The following ST3GAL4 variants were observed in gnomAD, a reference collection of about 807,000 sequenced individuals.
The protein encoded by ST3GAL4 is CMP-N-acetylneuraminate-beta-galactosamide-alpha-2,3-sialyltransferase 4.
ST3GAL4 carries 24 observed loss-of-function variants against 42.6 expected under a neutral mutation model. That is an observed-to-expected ratio of 0.56 (90% CI 0.41 to 0.79). The LOEUF is 0.79. Ranked by LOEUF, ST3GAL4 falls within the 30% of genes least tolerant of loss-of-function variation. The pLI is 0.00. For missense variants in ST3GAL4, 311 were observed against 430.8 expected, an observed-to-expected ratio of 0.72 and a Z score of 2.46; for synonymous variants, 135 against 163.2, an observed-to-expected ratio of 0.83 and a Z score of 1.32.
At chr11:126,407,716 C>A (rs553969766) in intron 6 of ST3GAL4, 82 bp downstream of exon 6, 4 of 1,378,328 alleles carry the variant, frequency 2.9e-6, no homozygotes, top group Admixed American at 1.9e-5. Context: ...CCCACCCCCC[C>A]GCTCTGTGAA....
intron 1 of ST3GAL4, among the ~76,000 whole-genome samples, chr11:126,387,673 C>CAAA (rs1015589992): frequency 8.6e-5 from 10 of 116,116 alleles, no homozygotes; most frequent in African/African-American, 2.7e-4. Context: ...GACTCTGTCT[C>CAAA]AAAAAAAAAA....
intron 1 of ST3GAL4, among the ~76,000 whole-genome samples, chr11:126,382,621 A>G (rs1953051459): frequency 6.6e-6 from 1 of 152,148 alleles, no homozygotes; most frequent in South Asian, 2.1e-4. Context: ...TGGAGAAGCC[A>G]GAGTTCAGGC....
At position 126,355,774 on chromosome 11, in the gene ST3GAL4, G is replaced by C. The variant is rs1303985157; in HGVS notation, c.-129G>C. 6.6e-6 allele frequency: 1 copy of C among 151,522 alleles called. No homozygotes were observed. The allele number at this position is 151,522 out of a possible 1,614,324, so 9.4% of individuals were successfully genotyped here. On this transcript the variant is annotated 5_prime_UTR_variant, in exon 1 of 11. Transcript: ENST00000444328. This position sits in a 1 kb window ranked among gnomAD's most constrained non-coding sequence, Gnocchi z 7.1. ...GCCGTCGCGCCAGCGCTGCGCCGCC[G>C]GTCGGTGCGCCTAGCGGATCGGAGC...
rs1023224808 is a variant in ST3GAL4 at position 126,379,528 on chromosome 11, A to C, written c.-61+23686A>C. ...GTTTCTCTCTTGTTGCCCAGGCTGC[A>C]GTGCAGTGGCACGATCTTGGCTCAC... is the stretch of plus-strand genomic sequence containing the variant. On this transcript the variant is annotated intron_variant, in intron 1 of 10. Coordinates refer to ENST00000444328, the MANE Select transcript of ST3GAL4 (RefSeq NM_001254757.2). This position sits in a 1 kb window ranked among gnomAD's most constrained non-coding sequence, Gnocchi z 4.2. 6.6e-6 allele frequency among the ~76,000 whole-genome samples: 1 copy of C among 152,134 alleles called. No homozygotes were observed.
At chr11:126,367,832 T>C (rs954115516) in intron 1 of ST3GAL4, among the ~76,000 whole-genome samples, 15 of 152,166 alleles carry the variant, frequency 9.9e-5, no homozygotes, top group African/African-American at 3.4e-4. Flanking sequence ...CCCACATCCA[T>C]TGGTTGAAAA....
Position 126,398,020 on chromosome 11 carries a change from G to A in ST3GAL4, c.-60-8076G>A, listed in dbSNP as rs1166923410. On this transcript the variant is annotated intron_variant, in intron 1 of 10. Transcript: ENST00000444328. The surrounding 1 kb of genome is among the most constrained non-coding windows in gnomAD (Gnocchi z 4.7). ...GCATTCTGCCCCAGTCCCCAAAATG[G>A]ATGTCCTTGTCACATGTAGAATACA... Among the ~76,000 whole-genome samples the A allele has an allele frequency of 6.6e-6, 1 of 152,168 alleles. No homozygotes were observed. Among genetic ancestry groups the A allele is most frequent in the Non-Finnish European group, 1.5e-5 (1 of 68,044 alleles).
At chr11:126,370,721 G>A (rs1251400168) in intron 1 of ST3GAL4, among the ~76,000 whole-genome samples, 1 of 151,194 alleles carries the variant, frequency 6.6e-6, no homozygotes, top group Non-Finnish European at 1.5e-5. Context: ...CTGTCACCCA[G>A]GCTGGAGTGC....
In ST3GAL4 at chr11:126,407,220, C is replaced by T. The variant is rs371341382; in HGVS notation, c.183-32C>T. On this transcript the variant is annotated intron_variant, in intron 4 of 10. Transcript: ENST00000444328. ...TTCTGGCATCAAGATTAATTCTGTT[C>T]TCATCCCCACCCGGCTTTCACCTCT... 3.7e-6 allele frequency: 6 copies of T among 1,608,654 alleles called. No individual in the cohort carries two copies. The African/African-American group carries it at 4.0e-5, about 11-fold the overall frequency.
chr11:126,414,567 C>T lies in ST3GAL4; in HGVS notation c.*520C>T, dbSNP rs1355205448. The T allele has an allele frequency of 1.3e-5, 2 of 155,892 alleles. No individual in the cohort carries two copies. Among genetic ancestry groups the T allele is most frequent in the Non-Finnish European group, 2.8e-5 (2 of 70,226 alleles). 9.7% of individuals were successfully genotyped at this position (155,892 alleles called of 1,614,324 possible). A position where few individuals can be genotyped will look rare whatever the true frequency, so the allele number is the denominator to read the frequency against. On this transcript the variant is annotated 3_prime_UTR_variant, in exon 11 of 11. Transcript: ENST00000444328. ...TGGGAAGAGCACTGGTGTGGGGGTT[C>T]CACCGAGAAGGGGACCTCATCTAGA...
chr11:126,365,925 C>T (rs925726852), intron 1 of ST3GAL4, among the ~76,000 whole-genome samples: 3 of 152,320 alleles, frequency 2.0e-5, no homozygotes, highest in African/African-American at 7.2e-5. Context: ...TGGCCACAGG[C>T]TGCCCTGGGA....
At chr11:126,394,369 A>T (rs1953645788) in intron 1 of ST3GAL4, among the ~76,000 whole-genome samples, 1 of 152,006 alleles carries the variant, frequency 6.6e-6, no homozygotes, top group Non-Finnish European at 1.5e-5. Flanking sequence ...CAGCTTTTTC[A>T]CCCTGAGAAG....
chr11:126,361,684 A>G (rs1233336684), intron 1 of ST3GAL4, among the ~76,000 whole-genome samples: 2 of 152,044 alleles, frequency 1.3e-5, no homozygotes, highest in Non-Finnish European at 2.9e-5. Flanking sequence ...TGACCCCAGC[A>G]TGGACCTCAG....
At chr11:126,371,563 AGTTAAT>A (rs1466799761) in intron 1 of ST3GAL4, among the ~76,000 whole-genome samples, 3 of 152,234 alleles carry the variant, frequency 2.0e-5, no homozygotes, top group African/African-American at 7.2e-5. Context: ...CACTTTAAAA[AGTTAAT>A]GTTATGTTTT....
At chr11:126,404,499 A>G (rs1244565698) in intron 1 of ST3GAL4, among the ~76,000 whole-genome samples, 1 of 152,232 alleles carries the variant, frequency 6.6e-6, no homozygotes, top group East Asian at 1.9e-4. Flanking sequence ...AAAGAAAACA[A>G]GTAACTAAGC....
At chr11:126,381,214 C>T (rs762445107) in intron 1 of ST3GAL4, among the ~76,000 whole-genome samples, 26 of 152,178 alleles carry the variant, frequency 1.7e-4, no homozygotes, top group Non-Finnish European at 3.7e-4. Context: ...GGAGACTGAT[C>T]CCTGGCCACC....
Position 126,402,619 on chromosome 11 carries a change from C to T in ST3GAL4, c.-60-3477C>T, listed in dbSNP as rs79120772. 4.6e-3 allele frequency among the ~76,000 whole-genome samples: 696 copies of T among 152,300 alleles called. 8 individuals carry two copies. Among genetic ancestry groups the T allele is most frequent in the Admixed American group, 7.6e-3 (117 of 15,300 alleles). On this transcript the variant is annotated intron_variant, in intron 1 of 10. Transcript: ENST00000444328. ...TATCGCTTTTATGGGTCCAGGGGCTCTGAGGGGCTGGGCATCATACTGTGC... is the reference window on the plus strand; with the variant it reads ...TATCGCTTTTATGGGTCCAGGGGCTTTGAGGGGCTGGGCATCATACTGTGC...
chr11:126,406,108 A>T lies in ST3GAL4; in HGVS notation c.-48A>T. ...TCTTATTTCCTAGGTGGCCCGAGGCAGCCGGGATGACAGCTCTCCCCAGGA... is the reference window on the plus strand; with the variant it reads ...TCTTATTTCCTAGGTGGCCCGAGGCTGCCGGGATGACAGCTCTCCCCAGGA... On this transcript the variant is annotated 5_prime_UTR_variant, in exon 2 of 11. Coordinates refer to ENST00000444328, the MANE Select transcript of ST3GAL4 (RefSeq NM_001254757.2). This position sits in a 1 kb window ranked among gnomAD's most constrained non-coding sequence, Gnocchi z 5.4. 6.4e-7 allele frequency: 1 copy of T among 1,551,822 alleles called. No individual in the cohort carries two copies. The highest frequency in any genetic ancestry group is 8.7e-7 in the Non-Finnish European group (1 of 1,147,060).
chr11:126,392,745 A>G lies in ST3GAL4; in HGVS notation c.-60-13351A>G, dbSNP rs988616711. On this transcript the variant is annotated intron_variant, in intron 1 of 10. Transcript: ENST00000444328. This position sits in a 1 kb window ranked among gnomAD's most constrained non-coding sequence, Gnocchi z 5.8. ...GCGTGGTCTAATTGGTACTTGGGAC[A>G]GTGTGGTTTAACTGCCACAAAGTTA... Among the ~76,000 whole-genome samples, 5 of 152,182 alleles carry G rather than the reference A, an allele frequency of 3.3e-5. No homozygotes were observed. The highest frequency in any genetic ancestry group is 5.9e-5 in the Non-Finnish European group (4 of 68,032).
In ST3GAL4 at chr11:126,383,039, G is replaced by A. The variant is rs909504301; in HGVS notation, c.-60-23057G>A. 1.3e-5 allele frequency among the ~76,000 whole-genome samples: 2 copies of A among 152,230 alleles called. No individual in the cohort carries two copies. The highest frequency in any genetic ancestry group is 4.8e-5 in the African/African-American group (2 of 41,462). On this transcript the variant is annotated intron_variant, in intron 1 of 10. Transcript: ENST00000444328. The surrounding 1 kb of genome is among the most constrained non-coding windows in gnomAD (Gnocchi z 4.5). ...CTGAGACAGGCCCAGAGGACAGTGA[G>A]TGTGTGTTGTGTGGGTGCCAGGCCA...
Sources: gnomAD v4.1 joint callset for allele counts (sites outside exome capture counted in the v4.1 genomes callset) on GRCh38, gnomAD v4.1.1 for gene constraint, Gnocchi (gnomAD v3.1) non-coding constraint, MANE v1.5 for transcripts, NCBI Gene and HGNC (gene_info 2026-07-23, HGNC 2026-07-21) for gene names.